EPHA4: variants seen among roughly 807,000 people sequenced by gnomAD.
The protein encoded by EPHA4 is ephrin type-A receptor 4.
EPHA4 carries 19 observed loss-of-function variants against 108.3 expected under a neutral mutation model. The ratio of observed to expected loss-of-function variants is 0.18; its 90% confidence interval spans 0.12 to 0.26. EPHA4 has a LOEUF of 0.26. EPHA4 is among the 10% of genes least tolerant of loss of function. The probability of loss-of-function intolerance (pLI) is 1.00; values close to 1 mark genes in which losing one functional copy is unlikely to be tolerated. For missense variants in EPHA4, 917 were observed against 1,254.0 expected (o/e 0.73, Z 4.06); for synonymous variants, 449 against 455.5 (o/e 0.99, Z 0.18).
At position 221,557,532 on chromosome 2, in the gene EPHA4, A is replaced by C. The variant is rs1442176230; in HGVS notation, c.823+6199T>G. Among the ~76,000 whole-genome samples the C allele has an allele frequency of 2.0e-5, 3 of 152,320 alleles. No individual in the cohort carries two copies. The East Asian group carries it at 5.8e-4, about 29-fold the overall frequency. On this transcript the variant is annotated intron_variant, in intron 3 of 17. Transcript: ENST00000281821. ...CCACCAATTTGCAAACGTGAACTTG[A>C]GTTTAGGGAAGCTAAGTTAGTGTCT...
intron 1 of EPHA4, among the ~76,000 whole-genome samples, chr2:221,569,637 T>G (rs1019097395): frequency 1.1e-4 from 16 of 151,824 alleles, no homozygotes; most frequent in African/African-American, 3.9e-4. Flanking sequence ...ACGCAATGAA[T>G]TCAAAACCTC....
chr2:221,548,333 C>T (rs1694061315), intron 3 of EPHA4, among the ~76,000 whole-genome samples: 1 of 151,574 alleles, frequency 6.6e-6, no homozygotes, highest in African/African-American at 2.4e-5. Context: ...CACTGCACTC[C>T]AGCCTGGCGA....
chr2:221,572,091 C>T (rs1269113614), intron 1 of EPHA4, 67 bp downstream of exon 1: 12 of 1,369,764 alleles, frequency 8.8e-6, no homozygotes, highest in Non-Finnish European at 1.2e-5. Context: ...CCCTGCGCTC[C>T]TGAGGACCCC....
chr2:221,456,714 T>C lies in EPHA4; in HGVS notation c.1502A>G (p.Lys501Arg). ...VRTAARNTDI[K>R]GLNPLTSYVF... ...ATAGGAAGTGAGAGGGTTCAGGCCTTTGATATCTGTGTTCCTGGCAGCTGT... is the reference window on the plus strand; with the variant it reads ...ATAGGAAGTGAGAGGGTTCAGGCCTCTGATATCTGTGTTCCTGGCAGCTGT... Residue 501 changes from lysine to arginine, a missense_variant, in exon 7 of 18, where the codon AAA (lysine) becomes AGA (arginine). Transcript: ENST00000281821. 1.2e-6 allele frequency: 2 copies of C among 1,613,994 alleles called. No homozygotes were observed. The highest frequency in any genetic ancestry group is 3.3e-5 in the Admixed American group (2 of 60,006).
At chr2:221,558,382 T>A (rs1220618301) in intron 3 of EPHA4, among the ~76,000 whole-genome samples, 1 of 152,084 alleles carries the variant, frequency 6.6e-6, no homozygotes, top group East Asian at 1.9e-4. Context: ...GAAATTTATC[T>A]GACAAGCATG....
chr2:221,466,097 G>A lies in EPHA4; in HGVS notation c.1319-8107C>T, dbSNP rs567804360. Among the ~76,000 whole-genome samples the A allele has an allele frequency of 9.2e-5, 14 of 152,292 alleles. No individual in the cohort carries two copies. In the South Asian group the frequency reaches 1.9e-3, roughly 20 times the overall value. ...GTCAGCAAAGCCAGTGACAGAGGCC[G>A]CGTGGCTTCCCACGGACAAAATCAC... On this transcript the variant is annotated intron_variant, in intron 5 of 17. Transcript: ENST00000281821.
intron 3 of EPHA4, among the ~76,000 whole-genome samples, chr2:221,555,314 G>T (rs147758179): frequency 1.3e-5 from 2 of 152,164 alleles, no homozygotes; most frequent in African/African-American, 2.4e-5. Context: ...GGAGATTTTG[G>T]CTGGGGTTTC....
chr2:221,420,047 T>A lies in EPHA4; in HGVS notation c.*1325A>T, dbSNP rs1393625805. On this transcript the variant is annotated 3_prime_UTR_variant, in exon 18 of 18. Coordinates refer to ENST00000281821, the MANE Select transcript of EPHA4 (RefSeq NM_004438.5). Reference sequence around the variant, plus strand: ...TAAGAAAAAAATATATTTATATCACTGCAATGGCACACCCTGGGTAAAATG... The same window carrying A: ...TAAGAAAAAAATATATTTATATCACAGCAATGGCACACCCTGGGTAAAATG... 7 of 152,636 alleles carry A rather than the reference T, an allele frequency of 4.6e-5. No homozygotes were observed. The highest frequency in any genetic ancestry group is 1.0e-4 in the Non-Finnish European group (7 of 68,052). 9.5% of individuals were successfully genotyped at this position (152,636 alleles called of 1,614,324 possible). A position where few individuals can be genotyped will look rare whatever the true frequency, so the allele number is the denominator to read the frequency against.
chr2:221,563,969 T>C lies in EPHA4; in HGVS notation c.585A>G (p.Val195=), dbSNP rs931989424. 5 of 1,613,952 alleles carry C rather than the reference T, an allele frequency of 3.1e-6. No individual in the cohort carries two copies. Among genetic ancestry groups the C allele is most frequent in the Non-Finnish European group, 4.2e-6 (5 of 1,180,028 alleles). The change falls in exon 3 of 18, where the codon GTA becomes GTG. Residue 195 remains valine (V), a synonymous_variant. Transcript: ENST00000281821. ...FQDVGACIAL[V]SVRVFYKKCP... is the part of the protein sequence containing the mutation. The stretch of plus-strand genomic sequence containing the variant: ...ACTTTTTATAGAACACACGGACTGA[T>C]ACCAGGGCGATGCAGGCCCCCACAT...
At chr2:221,553,964 G>C (rs980352599) in intron 3 of EPHA4, among the ~76,000 whole-genome samples, 1 of 152,196 alleles carries the variant, frequency 6.6e-6, no homozygotes, top group Non-Finnish European at 1.5e-5. Flanking sequence ...AAACGGAAGG[G>C]AAATGATAAT....
At chr2:221,437,516 A>G (rs1690279081) in intron 11 of EPHA4, 1 of 161,122 alleles carries the variant, frequency 6.2e-6, no homozygotes, top group Admixed American at 6.2e-5. Flanking sequence ...ACTTGTAAGA[A>G]GCTAAGGAGG....
At chr2:221,456,509 T>C in intron 7 of EPHA4, 104 bp downstream of exon 7, 4 of 1,279,916 alleles carry the variant, frequency 3.1e-6, no homozygotes, top group Non-Finnish European at 4.3e-6. Context: ...AAATGTCTGC[T>C]GAACCAAAAA....
intron 3 of EPHA4, among the ~76,000 whole-genome samples, chr2:221,551,150 T>C (rs1694146634): frequency 6.6e-6 from 1 of 152,122 alleles, no homozygotes; most frequent in Non-Finnish European, 1.5e-5. Flanking sequence ...GAAAAATACA[T>C]ATATGATTGT....
At chr2:221,432,451 C>A (rs562235950) in intron 14 of EPHA4, among the ~76,000 whole-genome samples, 4 of 152,118 alleles carry the variant, frequency 2.6e-5, no homozygotes, top group Non-Finnish European at 5.9e-5. Context: ...ATGCTATTCC[C>A]CTCCATAGTC....
intron 5 of EPHA4, among the ~76,000 whole-genome samples, chr2:221,480,722 G>A (rs1385170335): frequency 6.6e-6 from 1 of 152,164 alleles, no homozygotes; most frequent in African/African-American, 2.4e-5. Flanking sequence ...TTAAAAGACT[G>A]TTCACATTTG....
At chr2:221,505,397 C>T (rs1218548445) in intron 3 of EPHA4, among the ~76,000 whole-genome samples, 1 of 152,060 alleles carries the variant, frequency 6.6e-6, no homozygotes, top group Non-Finnish European at 1.5e-5. Flanking sequence ...GTGGCCTCAG[C>T]TCACTGCAAC....
chr2:221,572,149 C>G lies in EPHA4; in HGVS notation c.91+9G>C. On this transcript the variant is annotated intron_variant, in intron 1 of 17. Transcript: ENST00000281821. ...GTCCCCGACCACAGAAAGGCCGTCC[C>G]GCTCTTACCTTCATTCGCGGGGTAT... 6.2e-7 allele frequency: 1 copy of G among 1,612,840 alleles called. No individual in the cohort carries two copies. The highest frequency in any genetic ancestry group is 8.5e-7 in the Non-Finnish European group (1 of 1,178,938).
intron 3 of EPHA4, among the ~76,000 whole-genome samples, chr2:221,552,016 A>G (rs2106199527): frequency 6.6e-6 from 1 of 152,246 alleles, no homozygotes; most frequent in African/African-American, 2.4e-5. Flanking sequence ...TAAAGAACAC[A>G]GTAATGAAAT....
At chr2:221,487,297 T>C (rs1458423416) in intron 4 of EPHA4, among the ~76,000 whole-genome samples, 4 of 152,188 alleles carry the variant, frequency 2.6e-5, no homozygotes, top group Admixed American at 6.5e-5. Context: ...GGAAACTAAA[T>C]AGGGATTATA....
Sources: allele counts gnomAD v4.1 joint callset (sites outside exome capture counted in the v4.1 genomes callset), GRCh38; gene constraint gnomAD v4.1.1; transcripts MANE v1.5; gene names NCBI Gene and HGNC (gene_info 2026-07-23, HGNC 2026-07-21).